The following RABGAP1L variants were observed in gnomAD, a reference collection of about 807,000 sequenced individuals.
RABGAP1L encodes RAB GTPase activating protein 1 like.
RABGAP1L carries 63 observed loss-of-function variants against 137.7 expected under a neutral mutation model. That is an observed-to-expected ratio of 0.46 (90% CI 0.37 to 0.56). The LOEUF (loss-of-function observed/expected upper bound fraction) is 0.56. RABGAP1L is among the 20% of genes least tolerant of loss of function. The probability of loss-of-function intolerance (pLI) is 0.00; values close to 1 mark genes in which losing one functional copy is unlikely to be tolerated. For missense variants in RABGAP1L, 1,095 were observed against 1,244.0 expected (o/e 0.88, Z 1.80); for synonymous variants, 431 against 433.7 (o/e 0.99, Z 0.08).
intron 13 of RABGAP1L, among the ~76,000 whole-genome samples, chr1:174,568,869 TATACA>T (rs1223963692): frequency 6.6e-6 from 1 of 152,220 alleles, no homozygotes; most frequent in African/African-American, 2.4e-5. Flanking sequence ...CAAAATTGCT[TATACA>T]ATTTTTAACA....
intron 11 of RABGAP1L, among the ~76,000 whole-genome samples, chr1:174,349,638 A>AC (rs1365666356): frequency 1.9e-4 from 18 of 96,264 alleles, no homozygotes; most frequent in South Asian, 4.1e-4. Flanking sequence ...TGGGGGGCTG[A>AC]CCCCCCCACC....
chr1:174,776,878 A>T (rs1686568440), intron 18 of RABGAP1L, among the ~76,000 whole-genome samples: 1 of 152,184 alleles, frequency 6.6e-6, no homozygotes, highest in Non-Finnish European at 1.5e-5. Flanking sequence ...GGGGACAAGT[A>T]GTTTGATTTT....
At chr1:174,709,424 G>C (rs997737172) in intron 17 of RABGAP1L, among the ~76,000 whole-genome samples, 2 of 152,204 alleles carry the variant, frequency 1.3e-5, no homozygotes, top group Non-Finnish European at 2.9e-5. Context: ...ATACAGAAGA[G>C]CTCTGGCTGG....
intron 15 of RABGAP1L, among the ~76,000 whole-genome samples, chr1:174,684,740 G>T (rs1557983177): frequency 6.6e-6 from 1 of 152,200 alleles, no homozygotes; most frequent in Non-Finnish European, 1.5e-5. Flanking sequence ...ACTTTGGGAG[G>T]TTGAGGCAGG....
In RABGAP1L at chr1:174,454,573, C is replaced by T. The variant is rs1450237668; in HGVS notation, c.1710+60428C>T. Among the ~76,000 whole-genome samples the T allele has an allele frequency of 2.8e-5, 3 of 105,408 alleles. No homozygotes were observed. In the East Asian group the frequency reaches 6.6e-4, roughly 23 times the overall value. The allele number at this position is 105,408 out of a possible 152,430, so 69.2% of individuals were successfully genotyped here. A position where few individuals can be genotyped will look rare whatever the true frequency, so the allele number is the denominator to read the frequency against. ...AGGATTTTTTTTTTTTTTTTTTAGA[C>T]AGAGTCTCGCTCTGTTGCCCAGGCT... is the stretch of plus-strand genomic sequence containing the variant. On this transcript the variant is annotated intron_variant, in intron 13 of 25. Coordinates refer to ENST00000681986, the MANE Select transcript of RABGAP1L (RefSeq NM_001366446.1).
chr1:174,651,300 A>T (rs1675466236), intron 14 of RABGAP1L, among the ~76,000 whole-genome samples: 1 of 152,146 alleles, frequency 6.6e-6, no homozygotes, highest in Non-Finnish European at 1.5e-5. Flanking sequence ...GCTGAAAAGA[A>T]TGTATATTCT....
intron 19 of RABGAP1L, among the ~76,000 whole-genome samples, chr1:174,917,989 T>G (rs1661162723): frequency 6.6e-6 from 1 of 151,196 alleles, no homozygotes; most frequent in Non-Finnish European, 1.5e-5. Context: ...GTGCCTGTCA[T>G]GTGTCAGGGA....
intron 12 of RABGAP1L, among the ~76,000 whole-genome samples, chr1:174,387,273 TC>T (rs758472304): frequency 6.6e-6 from 1 of 152,214 alleles, no homozygotes; most frequent in Non-Finnish European, 1.5e-5. Flanking sequence ...ATCTATTCTT[TC>T]TTGGGGACTT....
intron 13 of RABGAP1L, among the ~76,000 whole-genome samples, chr1:174,521,672 C>T (rs1207617848): frequency 6.6e-6 from 1 of 152,096 alleles, no homozygotes; most frequent in African/African-American, 2.4e-5. Flanking sequence ...CTAATTTAGA[C>T]CTGAGGAATC....
chr1:174,600,843 T>C (rs1346692389), intron 13 of RABGAP1L, among the ~76,000 whole-genome samples: 1 of 152,196 alleles, frequency 6.6e-6, no homozygotes, highest in African/African-American at 2.4e-5. Context: ...TGGAGTATGG[T>C]GGCCCTATTC....
chr1:174,619,189 G>A (rs1026937779), intron 13 of RABGAP1L, among the ~76,000 whole-genome samples: 3 of 152,194 alleles, frequency 2.0e-5, no homozygotes, highest in Admixed American at 1.3e-4. Flanking sequence ...GCGACGGGGA[G>A]AATGGAACCA....
At chr1:174,876,892 T>C (rs929218040) in intron 19 of RABGAP1L, among the ~76,000 whole-genome samples, 1 of 150,812 alleles carries the variant, frequency 6.6e-6, no homozygotes, top group Admixed American at 6.6e-5. Flanking sequence ...GAGGGGAAAA[T>C]TTTTTTTTTC....
At chr1:174,216,687 T>C (rs1351922524) in intron 1 of RABGAP1L, among the ~76,000 whole-genome samples, 1 of 152,064 alleles carries the variant, frequency 6.6e-6, no homozygotes, top group African/African-American at 2.4e-5. Flanking sequence ...TCTTTCTGTC[T>C]GAAGAACTAC....
intron 10 of RABGAP1L, among the ~76,000 whole-genome samples, chr1:174,295,567 G>A (rs1383687416): frequency 6.6e-6 from 1 of 151,832 alleles, no homozygotes; most frequent in Non-Finnish European, 1.5e-5. Context: ...TGTATTTTTA[G>A]TAGAGACGGG....
At chr1:174,221,910 G>A (rs1477145720) in intron 3 of RABGAP1L, among the ~76,000 whole-genome samples, 4 of 151,900 alleles carry the variant, frequency 2.6e-5, no homozygotes, top group Non-Finnish European at 5.9e-5. Flanking sequence ...TTGGTGACAC[G>A]ATCTCATTCT....
chr1:174,973,983 T>C (rs897986388), intron 21 of RABGAP1L, among the ~76,000 whole-genome samples: 1 of 66,358 alleles, frequency 1.5e-5, no homozygotes, highest in Middle Eastern at 8.2e-3. Flanking sequence ...TTTTTTGTTT[T>C]TTTTTTTTTT....
chr1:174,596,826 C>T (rs989147564), intron 13 of RABGAP1L, among the ~76,000 whole-genome samples: 3 of 152,050 alleles, frequency 2.0e-5, no homozygotes, highest in African/African-American at 7.2e-5. Flanking sequence ...AGGTTTTACG[C>T]ATATGTAGAT....
chr1:174,701,743 CAAAAAA>C (rs34027614), intron 16 of RABGAP1L, among the ~76,000 whole-genome samples: 1 of 133,152 alleles, frequency 7.5e-6, no homozygotes, highest in Non-Finnish European at 1.6e-5. Context: ...ACTCTTATCT[CAAAAAA>C]AAAAAAAAAA....
At position 174,252,470 on chromosome 1, in the gene RABGAP1L, A is replaced by C; in HGVS notation, c.876-10A>C. On this transcript the variant is annotated splice_polypyrimidine_tract_variant and intron_variant, in intron 6 of 25. Coordinates refer to ENST00000681986, the MANE Select transcript of RABGAP1L (RefSeq NM_001366446.1). The stretch of plus-strand genomic sequence containing the variant: ...TTATTGGTAATTCCTATTCCTTTTG[A>C]ATATTTCAGCCCTGTGCCTAAGGAT... The C allele has an allele frequency of 6.2e-7, 1 of 1,606,460 alleles. No homozygotes were observed.
Sources: allele counts gnomAD v4.1 joint callset (sites outside exome capture counted in the v4.1 genomes callset), GRCh38; gene constraint gnomAD v4.1.1; transcripts MANE v1.5; gene names NCBI Gene and HGNC (gene_info 2026-07-23, HGNC 2026-07-21).